The following ATP1A1 variants were observed in gnomAD, a reference collection of about 807,000 sequenced individuals.
ATP1A1 encodes sodium/potassium-transporting ATPase subunit alpha-1.
A neutral mutation model predicts 114.8 loss-of-function variants in ATP1A1; 14 were observed. That is an observed-to-expected ratio of 0.12 (90% CI 0.08 to 0.19). The LOEUF (loss-of-function observed/expected upper bound fraction) is 0.19, where lower values mean the gene tolerates loss of function less well. ATP1A1 is among the 10% of genes least tolerant of loss of function. The pLI is 1.00. For missense variants in ATP1A1, 524 were observed against 1,290.7 expected, an observed-to-expected ratio of 0.41 and a Z score of 9.10; for synonymous variants, 471 against 466.3, an observed-to-expected ratio of 1.01 and a Z score of -0.13.
chr1:116,390,596 T>C (rs1047917593), intron 9 of ATP1A1, among the ~76,000 whole-genome samples, 185 bp downstream of exon 9: 15 of 151,472 alleles, frequency 9.9e-5, no homozygotes, highest in Admixed American at 9.9e-4. Context: ...ATTTTTTGCA[T>C]GTCAGTAGAA....
At chr1:116,374,455 G>A (rs907572452) in intron 1 of ATP1A1, among the ~76,000 whole-genome samples, 4 of 152,144 alleles carry the variant, frequency 2.6e-5, no homozygotes, top group Admixed American at 2.6e-4. Flanking sequence ...AGGAATCTCT[G>A]CCGGTTTCCA....
rs1653488579 is a variant in ATP1A1, at chr1:116,401,651, C to T, written c.2947C>T (p.Leu983Phe). The change falls in exon 21 of 23, where the codon CTC becomes TTC. Residue 983 changes from leucine (L) to phenylalanine (F), a missense_variant. Transcript: ENST00000295598. The surrounding 1 kb of genome is among the most constrained non-coding windows in gnomAD (Gnocchi z 4.7). ...GGGTGTTGCTCTTAGGATGTATCCC[C>T]TCAAGTAAGTTGATCCTCTGGTAGC... ...GMGVALRMYP[L>F]KPTWWFCAFP... 6.2e-7 allele frequency: 1 copy of T among 1,613,838 alleles called. No homozygotes were observed.
chr1:116,401,276 C>T lies in ATP1A1; in HGVS notation c.2849+16C>T. 1 of 1,613,786 alleles carries T rather than the reference C, an allele frequency of 6.2e-7. No individual in the cohort carries two copies. Among genetic ancestry groups the T allele is most frequent in the South Asian group, 1.1e-5 (1 of 91,074 alleles). On this transcript the variant is annotated intron_variant, in intron 20 of 22. Transcript: ENST00000295598. The surrounding 1 kb of genome is among the most constrained non-coding windows in gnomAD (Gnocchi z 4.7). ...AGGGGATGAAGTAAGTAATGAAGGA[C>T]ATGTCAAGGCCTTGGCTCAAAGAAG...
rs200587748 is a variant in ATP1A1, at chr1:116,390,810, C to T, written c.1251C>T (p.Thr417=). ...SGVSFDKTSA[T]WLALSRIAGL... ...TCTCTTTTGACAAGACTTCAGCTAC[C>T]TGGCTTGCTCTGTCCAGAATTGCAG... The change falls in exon 10 of 23, where the codon ACC becomes ACT. Residue 417 remains threonine, a synonymous_variant. Transcript: ENST00000295598. 130 of 1,614,034 alleles carry T rather than the reference C, an allele frequency of 8.1e-5. No individual in the cohort carries two copies. Among genetic ancestry groups the T allele is most frequent in the Non-Finnish European group, 1.1e-4 (128 of 1,180,026 alleles).
At chr1:116,391,957 TTAAAA>T (rs1347113257) in intron 10 of ATP1A1, among the ~76,000 whole-genome samples, 15 of 152,228 alleles carry the variant, frequency 9.9e-5, no homozygotes, top group East Asian at 5.8e-4. Context: ...TCTGCTTTTA[TTAAAA>T]ATGGCTTTTA....
chr1:116,383,485 T>G, intron 1 of ATP1A1: 1 of 493,578 alleles, frequency 2.0e-6, no homozygotes, highest in Non-Finnish European at 2.6e-6. Flanking sequence ...GCACTATTCT[T>G]TATCTCCACG....
chr1:116,396,787 G>A (rs1198334654), intron 14 of ATP1A1, 53 bp downstream of exon 14: 1 of 1,494,942 alleles, frequency 6.7e-7, no homozygotes, highest in African/African-American at 1.4e-5. Context: ...AATAGTGATG[G>A]TTTAAAATCT....
chr1:116,383,283 AT>A, intron 1 of ATP1A1: 1 of 928,594 alleles, frequency 1.1e-6, no homozygotes, highest in Non-Finnish European at 1.3e-6. Flanking sequence ...TATGCAAAGA[AT>A]TTTAAGGAGT....
At position 116,401,570 on chromosome 1, in the gene ATP1A1, T is replaced by C. The variant is rs1295272161; in HGVS notation, c.2866T>C (p.Phe956Leu). Residue 956 changes from phenylalanine to leucine, a missense_variant, in exon 21 of 23, where the codon TTT becomes CTT. This residue lies in a region of ATP1A1 where 84 missense variants were observed against 209.3 expected (regional missense o/e 0.40). Coordinates refer to ENST00000295598, the MANE Select transcript of ATP1A1 (RefSeq NM_000701.8). This position sits in a 1 kb window ranked among gnomAD's most constrained non-coding sequence, Gnocchi z 4.7. Reference sequence around the variant, plus strand: ...TGATTTTAGGAACAAGATCTTGATATTTGGCCTCTTTGAAGAGACAGCCCT... The same window carrying C: ...TGATTTTAGGAACAAGATCTTGATACTTGGCCTCTTTGAAGAGACAGCCCT... Reference protein sequence around the residue: ...QQGMKNKILIFGLFEETALAA... With the variant: ...QQGMKNKILILGLFEETALAA... The C allele has an allele frequency of 6.2e-7, 1 of 1,614,236 alleles. No homozygotes were observed. Among genetic ancestry groups the C allele is most frequent in the Non-Finnish European group, 8.5e-7 (1 of 1,180,038 alleles).
intron 12 of ATP1A1, 122 bp from the exon 13 acceptor site, chr1:116,394,988 G>T: frequency 1.1e-6 from 1 of 945,570 alleles, no homozygotes. Context: ...TAAAAATATA[G>T]ACTTTAAAAA....
At position 116,399,877 on chromosome 1, in the gene ATP1A1, C is replaced by T. The variant is rs1043698819; in HGVS notation, c.2572+334C>T. Among the ~76,000 whole-genome samples the T allele has an allele frequency of 2.6e-5, 4 of 152,200 alleles. No homozygotes were observed. The highest frequency in any genetic ancestry group is 3.2e-3 in the Middle Eastern group (1 of 316). ...GGTTCTAAGGAATTGTGTGTACTGA[C>T]GCACAGGCTGCTTTCCCTGGAGATA... On this transcript the variant is annotated intron_variant, in intron 18 of 22. Transcript: ENST00000295598. The surrounding 1 kb of genome is among the most constrained non-coding windows in gnomAD (Gnocchi z 5.0).
At position 116,404,751 on chromosome 1, in the gene ATP1A1, A is replaced by G; in HGVS notation, c.*307A>G. ...ACATTTTATATCTGGATTTTTACAAATAAAGATGGCTATTATAATGGAATT... is the reference window on the plus strand; with the variant it reads ...ACATTTTATATCTGGATTTTTACAAGTAAAGATGGCTATTATAATGGAATT... On this transcript the variant is annotated 3_prime_UTR_variant, in exon 23 of 23. Coordinates refer to ENST00000295598, the MANE Select transcript of ATP1A1 (RefSeq NM_000701.8). This position sits in a 1 kb window ranked among gnomAD's most constrained non-coding sequence, Gnocchi z 4.8. 5.2e-6 allele frequency: 6 copies of G among 1,160,350 alleles called. No individual in the cohort carries two copies. Among genetic ancestry groups the G allele is most frequent in the South Asian group, 6.7e-5 (2 of 29,898 alleles). 71.9% of individuals were successfully genotyped at this position (1,160,350 alleles called of 1,614,324 possible).
At chr1:116,377,733 A>G (rs1425326585) in intron 1 of ATP1A1, among the ~76,000 whole-genome samples, 2 of 152,232 alleles carry the variant, frequency 1.3e-5, no homozygotes, top group East Asian at 1.9e-4. Flanking sequence ...CTGCCAGCCA[A>G]CAGGCTAGAA....
intron 1 of ATP1A1, chr1:116,383,249 C>T: frequency 1.4e-5 from 7 of 490,374 alleles, no homozygotes; most frequent in Non-Finnish European, 1.9e-5. Context: ...ACAGAATGGG[C>T]TGGGCGCTCC....
At position 116,399,031 on chromosome 1, in the gene ATP1A1, C is replaced by G; in HGVS notation, c.2395C>G (p.Pro799Ala). The change falls in exon 17 of 23, where the codon CCA (proline) becomes GCA (alanine). Residue 799 changes from proline (P) to alanine (A), a missense_variant. By Grantham distance (27) the Pro-to-Ala change is conservative. Transcript: ENST00000295598. This position sits in a 1 kb window ranked among gnomAD's most constrained non-coding sequence, Gnocchi z 5.0. ...CCTGATATTTATTATTGCAAACATT[C>G]CACTACCACTGGGGACTGTCACCAT... ...PFLIFIIANI[P>A]LPLGTVTILC... 4 of 1,614,162 alleles carry G rather than the reference C, an allele frequency of 2.5e-6. No individual in the cohort carries two copies. Among genetic ancestry groups the G allele is most frequent in the Non-Finnish European group, 3.4e-6 (4 of 1,180,022 alleles).
intron 18 of ATP1A1, among the ~76,000 whole-genome samples, chr1:116,400,554 A>C (rs1207248404): frequency 6.6e-6 from 1 of 152,172 alleles, no homozygotes; most frequent in Non-Finnish European, 1.5e-5. Context: ...TAAAGGTCAT[A>C]CCCTTAGAAG....
At chr1:116,375,356 G>A (rs890850936) in intron 1 of ATP1A1, among the ~76,000 whole-genome samples, 3 of 152,188 alleles carry the variant, frequency 2.0e-5, no homozygotes, top group Non-Finnish European at 2.9e-5. Flanking sequence ...CGGATGAAAC[G>A]GGGTATTTGT....
At chr1:116,383,132 G>A (rs1041010465) in intron 1 of ATP1A1, among the ~76,000 whole-genome samples, 6 of 152,164 alleles carry the variant, frequency 3.9e-5, no homozygotes, top group Non-Finnish European at 8.8e-5. Context: ...TTCAAGAGGC[G>A]TAGGTGGATC....
chr1:116,383,260 CT>C, intron 1 of ATP1A1: 10 of 709,090 alleles, frequency 1.4e-5, no homozygotes, highest in Non-Finnish European at 1.2e-5. Context: ...TGGGCGCTCC[CT>C]TTTTTATCTC....
Sources: gnomAD v4.1 joint callset for allele counts (sites outside exome capture counted in the v4.1 genomes callset) on GRCh38, gnomAD v4.1.1 for gene constraint, gnomAD v4.1.1 regional missense constraint, Gnocchi (gnomAD v3.1) non-coding constraint, MANE v1.5 for transcripts, NCBI Gene and HGNC (gene_info 2026-07-23, HGNC 2026-07-21) for gene names.